The following TAFA5 variants were observed in gnomAD, a reference collection of about 807,000 sequenced individuals.
The protein encoded by TAFA5 is TAFA chemokine like family member 5.
TAFA5 carries 6 observed loss-of-function variants against 15.3 expected under a neutral mutation model. That is an observed-to-expected ratio of 0.39 (90% CI 0.21 to 0.77). TAFA5 has a LOEUF of 0.77. Ranked by LOEUF, TAFA5 falls within the 30% of genes least tolerant of loss-of-function variation. The pLI is 0.41. For synonymous variants in TAFA5, 103 were observed against 80.7 expected, an observed-to-expected ratio of 1.28 and a Z score of -1.48; for missense variants, 161 against 193.1, an observed-to-expected ratio of 0.83 and a Z score of 0.98.
chr22:48,738,067 G>A (rs893699959), intron 3 of TAFA5, among the ~76,000 whole-genome samples: 5 of 152,120 alleles, frequency 3.3e-5, no homozygotes, highest in African/African-American at 1.2e-4. Context: ...GCTGAGTCCA[G>A]GAACCCACCT....
chr22:48,579,434 C>T (rs536757553), intron 1 of TAFA5, among the ~76,000 whole-genome samples: 3 of 152,144 alleles, frequency 2.0e-5, no homozygotes, highest in African/African-American at 4.8e-5. Flanking sequence ...GGTGTGTGCA[C>T]GTGCTGTGTC....
chr22:48,707,795 G>T lies in TAFA5; in HGVS notation c.341G>T (p.Arg114Leu), dbSNP rs368822415. The change falls in exon 3 of 4, where the codon CGG (arginine) becomes CTG (leucine). Residue 114 changes from arginine (R) to leucine (L), a missense_variant. Physicochemically the swap from Arg to Leu is moderately radical, Grantham distance 102 (BLOSUM62 -2). Transcript: ENST00000402357. Reference protein sequence around the residue: ...EGEGCDLLINRSGWTCTQPGG... With the variant: ...EGEGCDLLINLSGWTCTQPGG... ...GAAGGCTGCGACTTGTTAATCAACC[G>T]GTCAGGCTGGACGTGCACGCAGCCC... The T allele has an allele frequency of 6.2e-7, 1 of 1,613,720 alleles. No individual in the cohort carries two copies. Among genetic ancestry groups the T allele is most frequent in the African/African-American group, 1.3e-5 (1 of 74,930 alleles).
chr22:48,542,476 GTGTGGT>G (rs1922457585), intron 1 of TAFA5, among the ~76,000 whole-genome samples: 1 of 66,546 alleles, frequency 1.5e-5, no homozygotes, highest in Non-Finnish European at 3.9e-5. Flanking sequence ...GTGTATGTGT[GTGTGGT>G]GTGTGTGTGG....
intron 3 of TAFA5, among the ~76,000 whole-genome samples, chr22:48,719,204 C>T (rs918370285): frequency 1.3e-5 from 2 of 152,216 alleles, no homozygotes; most frequent in African/African-American, 4.8e-5. Flanking sequence ...GCCGGCTCAC[C>T]TTCCCCGTCC....
chr22:48,562,816 G>A (rs1923283146), intron 1 of TAFA5, among the ~76,000 whole-genome samples: 1 of 152,176 alleles, frequency 6.6e-6, no homozygotes, highest in Non-Finnish European at 1.5e-5. Context: ...CACCCCCACA[G>A]TGAGAGAGGA....
Position 48,749,235 on chromosome 22 carries a change from C to T in TAFA5, c.391-604C>T, listed in dbSNP as rs561018542. Among the ~76,000 whole-genome samples, 3 of 152,306 alleles carry T rather than the reference C, an allele frequency of 2.0e-5. No homozygotes were observed. The South Asian group carries it at 6.2e-4, about 32-fold the overall frequency. On this transcript the variant is annotated intron_variant, in intron 3 of 3. Transcript: ENST00000402357. ...ATCCTCCAGCAGGAACAGGCCCTGT[C>T]CACACCTTGAGTCTGGGCAAGAAGA...
At chr22:48,653,787 G>GC (rs1927139596) in intron 2 of TAFA5, among the ~76,000 whole-genome samples, 1 of 152,130 alleles carries the variant, frequency 6.6e-6, no homozygotes, top group African/African-American at 2.4e-5. Flanking sequence ...TCTGTGAAGC[G>GC]CCCCCACTCC....
chr22:48,604,847 G>C (rs1277510740), intron 1 of TAFA5, among the ~76,000 whole-genome samples: 1 of 152,190 alleles, frequency 6.6e-6, no homozygotes, highest in Non-Finnish European at 1.5e-5. Context: ...TTGGGATGGA[G>C]AAGTTTTCTG....
Position 48,739,233 on chromosome 22 carries a change from A to G in TAFA5, c.391-10606A>G, listed in dbSNP as rs115546603. Among the ~76,000 whole-genome samples, 496 of 152,330 alleles carry G rather than the reference A, an allele frequency of 3.3e-3. 1 individual carries two copies. The highest frequency in any genetic ancestry group is 0.011 in the African/African-American group (475 of 41,570). On this transcript the variant is annotated intron_variant, in intron 3 of 3. Transcript: ENST00000402357. ...AGGAAATATACCATTGGAAAGACAGAAATATAATTTTCCCATATTTAAATT... is the reference window on the plus strand; with the variant it reads ...AGGAAATATACCATTGGAAAGACAGGAATATAATTTTCCCATATTTAAATT...
intron 2 of TAFA5, among the ~76,000 whole-genome samples, chr22:48,667,610 C>T (rs1259429927): frequency 2.0e-5 from 3 of 152,196 alleles, no homozygotes; most frequent in Non-Finnish European, 2.9e-5. Context: ...CTCCGCACTG[C>T]GTTATAACTC....
At position 48,550,719 on chromosome 22, in the gene TAFA5, G is replaced by A. The variant is rs1007241143; in HGVS notation, c.112+61015G>A. Among the ~76,000 whole-genome samples the A allele has an allele frequency of 3.3e-5, 5 of 152,036 alleles. No homozygotes were observed. The highest frequency in any genetic ancestry group is 7.4e-5 in the Non-Finnish European group (5 of 67,998). ...CACACAGTGGTTGGGTGTGGAGTCC[G>A]GACAAGGTACATCCTGATCCAGGGC... On this transcript the variant is annotated intron_variant, in intron 1 of 3. Coordinates refer to ENST00000402357, the MANE Select transcript of TAFA5 (RefSeq NM_001082967.3). This position sits in a 1 kb window ranked among gnomAD's most constrained non-coding sequence, Gnocchi z 4.1.
At chr22:48,661,257 C>G (rs2147214279) in intron 2 of TAFA5, among the ~76,000 whole-genome samples, 1 of 152,326 alleles carries the variant, frequency 6.6e-6, no homozygotes, top group East Asian at 1.9e-4. Flanking sequence ...GGACATTCCC[C>G]ATGCCCCACC....
At chr22:48,503,249 A>G (rs1195919416) in intron 1 of TAFA5, among the ~76,000 whole-genome samples, 1 of 152,214 alleles carries the variant, frequency 6.6e-6, no homozygotes, top group Non-Finnish European at 1.5e-5. Context: ...GGACCTCGGG[A>G]GCATGGGTGG....
At chr22:48,584,754 CACACA>C (rs1432913784) in intron 1 of TAFA5, among the ~76,000 whole-genome samples, 2 of 151,150 alleles carry the variant, frequency 1.3e-5, no homozygotes, top group Non-Finnish European at 3.0e-5. Flanking sequence ...CCTCCACACA[CACACA>C]ACACACCACA....
At chr22:48,508,292 G>C (rs1417778929) in intron 1 of TAFA5, among the ~76,000 whole-genome samples, 2 of 152,232 alleles carry the variant, frequency 1.3e-5, no homozygotes, top group Admixed American at 6.5e-5. Flanking sequence ...GGGTAGGCTA[G>C]AGAGTAGGCG....
At position 48,598,350 on chromosome 22, in the gene TAFA5, C is replaced by T. The variant is rs1405509774; in HGVS notation, c.113-48247C>T. 2.0e-5 allele frequency among the ~76,000 whole-genome samples: 3 copies of T among 152,160 alleles called. No individual in the cohort carries two copies. The highest frequency in any genetic ancestry group is 2.4e-5 in the African/African-American group (1 of 41,420). Reference sequence around the variant, plus strand: ...ACCAAACCTGTGGGCACTGTGGCTCCGTCAAGTTGACACATGTTACCCATC... The same window carrying T: ...ACCAAACCTGTGGGCACTGTGGCTCTGTCAAGTTGACACATGTTACCCATC... On this transcript the variant is annotated intron_variant, in intron 1 of 3. Transcript: ENST00000402357. The surrounding 1 kb of genome is among the most constrained non-coding windows in gnomAD (Gnocchi z 4.0).
chr22:48,621,858 G>T (rs947470013), intron 1 of TAFA5, among the ~76,000 whole-genome samples: 7 of 152,150 alleles, frequency 4.6e-5, no homozygotes, highest in African/African-American at 1.2e-4. Context: ...AGAAGCCTCA[G>T]CCCGGAGCAG....
At chr22:48,535,497 C>G (rs1922124672) in intron 1 of TAFA5, among the ~76,000 whole-genome samples, 1 of 152,276 alleles carries the variant, frequency 6.6e-6, no homozygotes, top group Non-Finnish European at 1.5e-5. Flanking sequence ...GCACACTGCA[C>G]ACGCAATGTA....
intron 1 of TAFA5, among the ~76,000 whole-genome samples, chr22:48,553,232 C>T (rs1397931897): frequency 6.6e-6 from 1 of 152,148 alleles, no homozygotes; most frequent in Non-Finnish European, 1.5e-5. Context: ...CCGCTCTGTG[C>T]CCCTCCTGCC....
Sources: allele counts gnomAD v4.1 joint callset (sites outside exome capture counted in the v4.1 genomes callset), GRCh38; gene constraint gnomAD v4.1.1; non-coding constraint Gnocchi (gnomAD v3.1); transcripts MANE v1.5; gene names NCBI Gene and HGNC (gene_info 2026-07-23, HGNC 2026-07-21).